Variants in JARID2 observed in about 807,000 individuals in gnomAD.
JARID2 encodes protein Jumonji.
A neutral mutation model predicts 125.6 loss-of-function variants in JARID2; 21 were observed. The observed-to-expected ratio is 0.17, with a 90% CI of 0.12 to 0.24. The LOEUF (loss-of-function observed/expected upper bound fraction) is 0.24. JARID2 is among the 10% of genes least tolerant of loss of function. The pLI is 1.00. For synonymous variants in JARID2, 736 were observed against 661.6 expected, an observed-to-expected ratio of 1.11 and a Z score of -1.73; for missense variants, 1,303 against 1,639.6, an observed-to-expected ratio of 0.79 and a Z score of 3.55.
intron 4 of JARID2, among the ~76,000 whole-genome samples, chr6:15,467,444 G>C (rs1768793323): frequency 6.6e-6 from 1 of 151,786 alleles, no homozygotes; most frequent in Non-Finnish European, 1.5e-5. Context: ...TGTTTTAGAA[G>C]CCTCTGGTTC....
intron 2 of JARID2, among the ~76,000 whole-genome samples, chr6:15,381,488 C>CT (rs1331346451): frequency 6.6e-6 from 1 of 152,120 alleles, no homozygotes; most frequent in Non-Finnish European, 1.5e-5. Flanking sequence ...GGCCTCCAGA[C>CT]TTTTTTCTTT....
intron 1 of JARID2, among the ~76,000 whole-genome samples, chr6:15,365,077 A>G (rs1381213794): frequency 1.3e-5 from 2 of 152,242 alleles, no homozygotes; most frequent in African/African-American, 4.8e-5. Context: ...ATAAATTAAC[A>G]TAAATTCCCA....
chr6:15,324,451 T>C (rs564308361), intron 1 of JARID2: 1 of 152,266 alleles, frequency 6.6e-6, no homozygotes, highest in South Asian at 2.1e-4. Flanking sequence ...AGTTTTAATA[T>C]ATGAGCTGCC....
intron 1 of JARID2, among the ~76,000 whole-genome samples, chr6:15,338,200 T>C (rs911582497): frequency 1.3e-5 from 2 of 152,180 alleles, no homozygotes; most frequent in African/African-American, 4.8e-5. Context: ...CCACTCGCTT[T>C]CTCTGTCACA....
At chr6:15,334,959 T>C (rs573171515) in intron 1 of JARID2, among the ~76,000 whole-genome samples, 48 of 152,342 alleles carry the variant, frequency 3.2e-4, no homozygotes, top group African/African-American at 1.1e-3. Context: ...TTCTTCATGA[T>C]GCAGATTATT....
intron 3 of JARID2, among the ~76,000 whole-genome samples, chr6:15,445,084 G>C (rs1767615824): frequency 6.6e-6 from 1 of 152,136 alleles, no homozygotes; most frequent in Non-Finnish European, 1.5e-5. Context: ...CTACCCTAGA[G>C]ATTGAGTGCA....
chr6:15,281,015 A>G (rs1164930915), intron 1 of JARID2, among the ~76,000 whole-genome samples: 1 of 152,176 alleles, frequency 6.6e-6, no homozygotes, highest in African/African-American at 2.4e-5. Context: ...TAGGAAATCC[A>G]AGCAGGTATC....
Position 15,521,127 on chromosome 6 carries a change from T to TGTCA in JARID2, c.*877_*880dup, listed in dbSNP as rs1771827045. 5.9e-6 allele frequency: 1 copy of TGTCA among 169,590 alleles called. No individual in the cohort carries two copies. The highest frequency in any genetic ancestry group is 2.4e-5 in the African/African-American group (1 of 41,500). The allele number at this position is 169,590 out of a possible 1,614,324, so 10.5% of individuals were successfully genotyped here. On this transcript the variant is annotated 3_prime_UTR_variant, in exon 18 of 18. Transcript: ENST00000341776. ...GTGATGGAAGCCGTAAGTGCTTCTT[T>TGTCA]GTCATCGACGTGCAATCTTTCTAAC... is the stretch of plus-strand genomic sequence containing the variant.
intron 1 of JARID2, among the ~76,000 whole-genome samples, chr6:15,302,837 C>T (rs753448910): frequency 6.6e-6 from 1 of 152,088 alleles, no homozygotes; most frequent in Non-Finnish European, 1.5e-5. Context: ...TGGGTTCAAG[C>T]GATTCTTCTG....
At chr6:15,343,227 C>CAAA (rs11471181) in intron 1 of JARID2, among the ~76,000 whole-genome samples, 5 of 74,936 alleles carry the variant, frequency 6.7e-5, no homozygotes, top group Non-Finnish European at 1.0e-4. Flanking sequence ...GAAACTCCGT[C>CAAA]AAAAAAAAAA....
intron 17 of JARID2, among the ~76,000 whole-genome samples, 167 bp downstream of exon 17, chr6:15,517,435 T>C (rs1269202582): frequency 6.6e-6 from 1 of 152,184 alleles, no homozygotes; most frequent in African/African-American, 2.4e-5. Context: ...AGGCCCCATG[T>C]TAGGATCCCA....
At chr6:15,300,722 T>TGAGAGAGAGAGAGAGA (rs57766040) in intron 1 of JARID2, among the ~76,000 whole-genome samples, 7 of 111,198 alleles carry the variant, frequency 6.3e-5, no homozygotes, top group Non-Finnish European at 1.1e-4. Context: ...TGTGTGTGTG[T>TGAGAGAGAGAGAGAGA]GAGAGAGAGA....
chr6:15,508,946 A>C (rs1205037828), intron 12 of JARID2: 3 of 1,288,784 alleles, frequency 2.3e-6, no homozygotes, highest in Non-Finnish European at 1.0e-6. Context: ...GTGGTATTTC[A>C]TGATTGGTTA....
chr6:15,272,069 G>A (rs1760318749), intron 1 of JARID2, among the ~76,000 whole-genome samples: 1 of 152,030 alleles, frequency 6.6e-6, no homozygotes, highest in African/African-American at 2.4e-5. Context: ...AGGTTGCAGC[G>A]AGCCAGGATC....
At chr6:15,391,718 G>T (rs1765016622) in intron 2 of JARID2, among the ~76,000 whole-genome samples, 1 of 152,180 alleles carries the variant, frequency 6.6e-6, no homozygotes, top group African/African-American at 2.4e-5. Flanking sequence ...ACATTGGATC[G>T]TAATTCTTGT....
intron 3 of JARID2, among the ~76,000 whole-genome samples, chr6:15,420,985 G>T (rs530260000): frequency 1.3e-5 from 2 of 152,294 alleles, no homozygotes; most frequent in South Asian, 4.1e-4. Context: ...GTGCTTGTTA[G>T]TACTCAGCGG....
intron 1 of JARID2, chr6:15,247,544 T>C (rs952001892): frequency 4.1e-6 from 4 of 974,312 alleles, no homozygotes; most frequent in Non-Finnish European, 4.9e-6. Context: ...TTTTTTTTTT[T>C]CAAAAAAGGC....
intron 4 of JARID2, among the ~76,000 whole-genome samples, chr6:15,465,110 T>G (rs1768653638): frequency 6.6e-6 from 1 of 152,212 alleles, no homozygotes. Context: ...GAGGAGCCAT[T>G]AAAACAAATC....
chr6:15,405,193 C>A (rs1243011640), intron 2 of JARID2, among the ~76,000 whole-genome samples: 1 of 152,200 alleles, frequency 6.6e-6, no homozygotes, highest in Non-Finnish European at 1.5e-5. Context: ...AACAGGAATT[C>A]CTATTCCATT....
Sources: allele counts gnomAD v4.1 joint callset (sites outside exome capture counted in the v4.1 genomes callset), GRCh38; gene constraint gnomAD v4.1.1; transcripts MANE v1.5; gene names NCBI Gene and HGNC (gene_info 2026-07-23, HGNC 2026-07-21).